The following PPP2R3B variants were observed in gnomAD, a reference collection of about 807,000 sequenced individuals.
The protein encoded by PPP2R3B is protein phosphatase 2 regulatory subunit B''beta.
PPP2R3B carries 68 observed loss-of-function variants against 72.9 expected under a neutral mutation model. That is an observed-to-expected ratio of 0.93 (90% CI 0.77 to 1.14). The LOEUF (loss-of-function observed/expected upper bound fraction) is 1.14. Among genes scored for constraint, PPP2R3B ranks in the 50% most tolerant of loss-of-function variants. The pLI, the probability that PPP2R3B is intolerant of heterozygous loss-of-function variation, is 0.00. For missense variants in PPP2R3B, 1,018 were observed against 842.0 expected (o/e 1.21, Z -2.59); for synonymous variants, 466 against 375.8 (o/e 1.24, Z -2.78).
Position 347,248 on chromosome X carries a change from C to A in PPP2R3B, c.703G>T (p.Val235Phe), listed in dbSNP as rs774503027. 6.2e-7 allele frequency: 1 copy of A among 1,613,634 alleles called. No individual in the cohort carries two copies. Among genetic ancestry groups the A allele is most frequent in the Non-Finnish European group, 8.5e-7 (1 of 1,179,740 alleles). Residue 235 changes from valine (V) to phenylalanine (F), a missense_variant, in exon 4 of 13, where the codon GTC becomes TTC. By Grantham distance (50) the Val-to-Phe change is conservative. Coordinates refer to ENST00000390665, the MANE Select transcript of PPP2R3B (RefSeq NM_013239.5). The stretch of plus-strand genomic sequence containing the variant: ...CAGGCTCTCACCTGCAAGAAGGGGA[C>A]AAAGTCCTCCTGCACCAGGTAGTTG... The part of the protein sequence containing the change: ...GCNYLVQEDF[V>F]PFLQDVVNTH...
At chrX:348,453 G>C (rs2071268432) in intron 2 of PPP2R3B, among the ~76,000 whole-genome samples, 1 of 151,890 alleles carries the variant, frequency 6.6e-6, no homozygotes, top group African/African-American at 2.4e-5. Context: ...GCGGGCGCCT[G>C]TAATCCCAGC....
chrX:358,278 T>A (rs1431860666), intron 2 of PPP2R3B, among the ~76,000 whole-genome samples: 1 of 151,152 alleles, frequency 6.6e-6, no homozygotes, highest in Non-Finnish European at 1.5e-5. Flanking sequence ...AAGCTGAAGT[T>A]TGCCTGCGGC....
At chrX:346,366 A>C (rs1179140863) in intron 5 of PPP2R3B, 106 bp from the exon 6 acceptor site, 19 of 1,139,622 alleles carry the variant, frequency 1.7e-5, no homozygotes, top group Non-Finnish European at 2.3e-5. Context: ...TCTCAGCCGC[A>C]CGGGGCCGCC....
intron 5 of PPP2R3B, 179 bp from the exon 6 acceptor site, chrX:346,439 C>CG: frequency 1.5e-6 from 1 of 660,214 alleles, no homozygotes; most frequent in South Asian, 2.0e-5. Flanking sequence ...CCGCGGAAAG[C>CG]GGGGAGGGTC....
In PPP2R3B at chrX:346,746, C is replaced by T. The variant is rs750521175; in HGVS notation, c.747G>A (p.Ser249=). Residue 249 remains serine, a synonymous_variant, in exon 5 of 13, where the codon TCG becomes TCA. Coordinates refer to ENST00000390665, the MANE Select transcript of PPP2R3B (RefSeq NM_013239.5). ...GGAACTCGGACGCCTCCTTCAGGAA[C>T]GACAGCCCCGGGTGCGTGTTCACCA... ...QDVVNTHPGL[S]FLKEASEFHS... is the part of the protein sequence containing the mutation. 3.1e-6 allele frequency: 5 copies of T among 1,610,516 alleles called. No individual in the cohort carries two copies. The East Asian group carries it at 6.7e-5, about 22-fold the overall frequency.
At chrX:358,344 G>C (rs2071476545) in intron 2 of PPP2R3B, among the ~76,000 whole-genome samples, 1 of 144,202 alleles carries the variant, frequency 6.9e-6, no homozygotes, top group South Asian at 2.2e-4. Flanking sequence ...GGTGGATTAA[G>C]TCGCGACAGC....
At chrX:351,697 A>AT (rs61297112) in intron 2 of PPP2R3B, among the ~76,000 whole-genome samples, 2,044 of 72,362 alleles carry the variant, frequency 0.028, 29 homozygotes, top group African/African-American at 0.075. Flanking sequence ...AGCGTGATCC[A>AT]TTTTTATTCT....
intron 5 of PPP2R3B, 52 bp downstream of exon 5, chrX:346,649 G>C: frequency 1.3e-6 from 2 of 1,541,688 alleles, no homozygotes; most frequent in Non-Finnish European, 1.8e-6. Flanking sequence ...GGCCGCTGCA[G>C]AAACACCCGC....
At chrX:374,071 A>G (rs775448137) in intron 1 of PPP2R3B, 2 of 152,158 alleles carry the variant, frequency 1.3e-5, no homozygotes, top group African/African-American at 4.8e-5. Flanking sequence ...GCGCGCATCA[A>G]CAGGTCCCCG....
rs758275484 is a variant in PPP2R3B, at chrX:360,311, A to G, written c.510+1094T>C. Among the ~76,000 whole-genome samples, 3 of 152,314 alleles carry G rather than the reference A, an allele frequency of 2.0e-5. No homozygotes were observed. The South Asian group carries it at 6.2e-4, about 32-fold the overall frequency. ...CACTTTGGGAGGCCGAGGCAGGCGG[A>G]TCACTTGAAGTCAGGAGTTCAAGAC... On this transcript the variant is annotated intron_variant, in intron 2 of 12. Transcript: ENST00000390665.
At chrX:366,733 C>T (rs749737752) in intron 1 of PPP2R3B, among the ~76,000 whole-genome samples, 2 of 99,086 alleles carry the variant, frequency 2.0e-5, no homozygotes, top group East Asian at 5.0e-4. Flanking sequence ...TGTGGTGGCG[C>T]ATGCCTGTAA....
At chrX:380,936 T>G (rs2072110614) in intron 1 of PPP2R3B, among the ~76,000 whole-genome samples, 2 of 151,530 alleles carry the variant, frequency 1.3e-5, no homozygotes, top group African/African-American at 4.8e-5. Flanking sequence ...GGCGTTTTCT[T>G]TCTTTTTTTT....
At chrX:345,265 C>T (rs2071173282) in intron 7 of PPP2R3B, 2 of 688,730 alleles carry the variant, frequency 2.9e-6, no homozygotes, top group East Asian at 2.8e-5. Context: ...TCAGGACCAG[C>T]GGCCCACACT....
chrX:360,948 T>C (rs1427289915), intron 2 of PPP2R3B, among the ~76,000 whole-genome samples: 1 of 151,174 alleles, frequency 6.6e-6, no homozygotes, highest in Non-Finnish European at 1.5e-5. Flanking sequence ...AGTCTAGAAA[T>C]GGGCCCATGG....
chrX:363,523 C>T (rs2071599680), intron 1 of PPP2R3B, among the ~76,000 whole-genome samples: 1 of 147,372 alleles, frequency 6.8e-6, no homozygotes, highest in South Asian at 2.2e-4. Context: ...CCCGCGATCC[C>T]GCAGTGCATC....
intron 2 of PPP2R3B, among the ~76,000 whole-genome samples, chrX:358,112 C>T (rs1188187494): frequency 3.3e-5 from 5 of 152,184 alleles, no homozygotes; most frequent in African/African-American, 1.2e-4. Context: ...GGGGAGAACT[C>T]GAAACGGCAG....
intron 12 of PPP2R3B, chrX:334,888 GAC>G (rs1158875311): frequency 9.1e-6 from 2 of 219,364 alleles, no homozygotes; most frequent in Non-Finnish European, 1.8e-5. Context: ...CCACAGTTTA[GAC>G]ACATTCTCCC....
In PPP2R3B at chrX:364,519, A is replaced by AC. The variant is rs1226394393; in HGVS notation, c.325-2930_325-2929insG. ...CTTCATCTCTACTAAAAAAAAAAAA[A>AC]ACAAAAAAAAAAAAACAGAAAACAA... On this transcript the variant is annotated intron_variant, in intron 1 of 12. Coordinates refer to ENST00000390665, the MANE Select transcript of PPP2R3B (RefSeq NM_013239.5). 2.4e-4 allele frequency among the ~76,000 whole-genome samples: 26 copies of AC among 109,356 alleles called. No homozygotes were observed. In the East Asian group the frequency reaches 4.3e-3, roughly 18 times the overall value. 71.7% of individuals were successfully genotyped at this position (109,356 alleles called of 152,430 possible). A position where few individuals can be genotyped will look rare whatever the true frequency, so the allele number is the denominator to read the frequency against.
intron 2 of PPP2R3B, among the ~76,000 whole-genome samples, chrX:354,208 CCGGGGGCT>C (rs2071394765): frequency 6.9e-6 from 1 of 145,726 alleles, no homozygotes; most frequent in African/African-American, 2.5e-5. Context: ...CACCCAGGGA[CCGGGGGCT>C]CACCCAGGGA....
Sources: allele counts gnomAD v4.1 joint callset (sites outside exome capture counted in the v4.1 genomes callset), GRCh38; gene constraint gnomAD v4.1.1; transcripts MANE v1.5; gene names NCBI Gene and HGNC (gene_info 2026-07-23, HGNC 2026-07-21).